The following MFSD1 variants were observed in gnomAD, a reference collection of about 807,000 sequenced individuals.
MFSD1 encodes lysosomal dipeptide transporter MFSD1.
In MFSD1, 59 loss-of-function variants were observed where a neutral mutation model predicts 67.1. The ratio of observed to expected loss-of-function variants is 0.88; its 90% CI spans 0.71 to 1.09. MFSD1 has a LOEUF of 1.09. MFSD1 is among the 50% of genes least tolerant of loss of function. The probability of loss-of-function intolerance (pLI) is 0.00; values close to 1 mark genes in which losing one functional copy is unlikely to be tolerated. For missense variants in MFSD1, 552 were observed against 566.1 expected, an observed-to-expected ratio of 0.97 and a Z score of 0.25; for synonymous variants, 213 against 200.3, an observed-to-expected ratio of 1.06 and a Z score of -0.54.
chr3:158,821,947 T>G, intron 10 of MFSD1, 37 bp from the exon 11 acceptor site: 1 of 1,590,054 alleles, frequency 6.3e-7, no homozygotes, highest in Non-Finnish European at 8.6e-7. Context: ...TTGACTGTGT[T>G]GCATTTCATG....
chr3:158,824,410 T>C, intron 13 of MFSD1, 174 bp downstream of exon 13: 2 of 597,000 alleles, frequency 3.4e-6, no homozygotes, highest in East Asian at 2.8e-5. Flanking sequence ...GAGATTCCTA[T>C]CCTTAAAGGC....
chr3:158,819,306 G>C (rs1430456964), intron 7 of MFSD1, among the ~76,000 whole-genome samples: 1 of 152,204 alleles, frequency 6.6e-6, no homozygotes, highest in Admixed American at 6.5e-5. Context: ...TTGGTGCTTA[G>C]ACTGAATGAA....
intron 5 of MFSD1, 82 bp from the exon 6 acceptor site, chr3:158,809,097 C>A: frequency 9.3e-7 from 1 of 1,071,412 alleles, no homozygotes; most frequent in Non-Finnish European, 1.3e-6. Context: ...GAAGTGCCAA[C>A]ATTTTAAACC....
Position 158,829,493 on chromosome 3 carries a change from A to G in MFSD1, c.*511A>G, listed in dbSNP as rs1294523393. ...GTTTTTATGAAGTCTCTTTCTGATC[A>G]CGAACAATAGCTTGCGCTCTACTCT... On this transcript the variant is annotated 3_prime_UTR_variant, in exon 16 of 16. Coordinates refer to ENST00000415822, the MANE Select transcript of MFSD1 (RefSeq NM_022736.4). The G allele has an allele frequency of 2.6e-5, 4 of 152,326 alleles. No homozygotes were observed. Among genetic ancestry groups the G allele is most frequent in the Admixed American group, 1.3e-4 (2 of 15,286 alleles). 9.4% of individuals were successfully genotyped at this position (152,326 alleles called of 1,614,324 possible). A position where few individuals can be genotyped will look rare whatever the true frequency, so the allele number is the denominator to read the frequency against.
chr3:158,820,117 G>A lies in MFSD1; in HGVS notation c.752-98G>A, dbSNP rs1730596649. 11 of 666,318 alleles carry A rather than the reference G, an allele frequency of 1.7e-5. 1 individual carries two copies. The East Asian group carries it at 2.8e-4, about 17-fold the overall frequency. 41.3% of individuals were successfully genotyped at this position (666,318 alleles called of 1,614,324 possible). A position where few individuals can be genotyped will look rare whatever the true frequency, so the allele number is the denominator to read the frequency against. Reference sequence around the variant, plus strand: ...GTATTTTTTTAAGTTGAATTGCAAAGATTAATCACAAGATTTTAAAAAATA... The same window carrying A: ...GTATTTTTTTAAGTTGAATTGCAAAAATTAATCACAAGATTTTAAAAAATA... On this transcript the variant is annotated intron_variant, in intron 8 of 15. Transcript: ENST00000415822.
chr3:158,818,587 A>G (rs1730502587), intron 7 of MFSD1, among the ~76,000 whole-genome samples: 1 of 151,964 alleles, frequency 6.6e-6, no homozygotes, highest in Non-Finnish European at 1.5e-5. Context: ...AAATATATAT[A>G]TATATTTTAT....
Position 158,814,023 on chromosome 3 carries a change from T to A in MFSD1, c.608T>A (p.Leu203Ter). The change falls in exon 7 of 16, where the codon TTA becomes TAA. Residue 203 changes from leucine (L) to a stop codon, truncating the protein, a stop_gained. Transcript: ENST00000415822. LOFTEE classifies it high-confidence loss of function. ...GWLYSKIEALLGSAGHTTLGI... is the reference protein window; with the variant it reads ...GWLYSKIEAL ...CTGTATTCTAAGATTGAAGCTTTGT[T>A]AGGTTCTGCTGGTCACACAACCCTC... The A allele has an allele frequency of 1.2e-6, 2 of 1,614,028 alleles. No homozygotes were observed. Among genetic ancestry groups the A allele is most frequent in the Non-Finnish European group, 1.7e-6 (2 of 1,179,942 alleles).
chr3:158,825,849 A>G (rs1312003218), intron 13 of MFSD1, among the ~76,000 whole-genome samples, 166 bp from the exon 14 acceptor site: 1 of 152,114 alleles, frequency 6.6e-6, no homozygotes, highest in African/African-American at 2.4e-5. Flanking sequence ...TGTGTAACTT[A>G]TTTTTAGTGC....
intron 5 of MFSD1, among the ~76,000 whole-genome samples, chr3:158,808,451 A>G (rs984835188): frequency 2.0e-5 from 3 of 152,136 alleles, no homozygotes; most frequent in African/African-American, 7.2e-5. Flanking sequence ...TGAATATGGA[A>G]AGTGAATGTG....
At position 158,814,807 on chromosome 3, in the gene MFSD1, G is replaced by A. The variant is rs541882921; in HGVS notation, c.652+740G>A. On this transcript the variant is annotated intron_variant, in intron 7 of 15. Transcript: ENST00000415822. ...TTAATTAAAAGTTTATAGCAGCCGG[G>A]CACGGTGGCTCACACCTATAATCCC... 2.6e-5 allele frequency among the ~76,000 whole-genome samples: 4 copies of A among 152,262 alleles called. No homozygotes were observed. The South Asian group carries it at 8.3e-4, about 32-fold the overall frequency.
chr3:158,821,688 ATG>A (rs1559922984), intron 10 of MFSD1, 35 bp downstream of exon 10: 2 of 1,491,740 alleles, frequency 1.3e-6, no homozygotes. Context: ...TGCCTATTGC[ATG>A]TGAAGTATGG....
At chr3:158,804,492 T>A in intron 2 of MFSD1, 121 bp downstream of exon 2, 1 of 673,656 alleles carries the variant, frequency 1.5e-6, no homozygotes, top group Non-Finnish European at 2.4e-6. Context: ...TTGACATCTG[T>A]AGTCACCAAA....
intron 15 of MFSD1, among the ~76,000 whole-genome samples, chr3:158,827,921 AGAGAGAGAGAGAGAGAGAGAGGGG>A (rs1397368756): frequency 0.016 from 1,280 of 80,022 alleles, 31 homozygotes; most frequent in African/African-American, 0.046. Flanking sequence ...AGGGGGAGAG[AGAGAGAGAGAGAGAGAGAGAGGGG>A]GAGAGAGAGA....
Position 158,802,087 on chromosome 3 carries a change from G to C in MFSD1, c.-66G>C, listed in dbSNP as rs751523835. 1 of 1,582,208 alleles carries C rather than the reference G, an allele frequency of 6.3e-7. No homozygotes were observed. Among genetic ancestry groups the C allele is most frequent in the Non-Finnish European group, 8.6e-7 (1 of 1,168,010 alleles). On this transcript the variant is annotated 5_prime_UTR_variant, in exon 1 of 16. Transcript: ENST00000415822. ...GACCGCCGTCTTGACAGTGTTCCAC[G>C]GGCGCTGCTTCCTGCCTGGGTTTGG...
At chr3:158,816,894 T>A (rs1176182376) in intron 7 of MFSD1, among the ~76,000 whole-genome samples, 1 of 150,312 alleles carries the variant, frequency 6.7e-6, no homozygotes. Flanking sequence ...CCAGCACCAT[T>A]TATTAAATAG....
At chr3:158,802,723 C>T in intron 1 of MFSD1, 1 of 376,418 alleles carries the variant, frequency 2.7e-6, no homozygotes, top group Non-Finnish European at 5.2e-6. Context: ...TTAGGTGAGA[C>T]AGGGGCTTGC....
At chr3:158,802,830 AG>A (rs895853385) in intron 1 of MFSD1, among the ~76,000 whole-genome samples, 2 of 152,124 alleles carry the variant, frequency 1.3e-5, no homozygotes, top group Admixed American at 1.3e-4. Flanking sequence ...CCTCCCGAGT[AG>A]CTGGGACCAC....
intron 9 of MFSD1, among the ~76,000 whole-genome samples, chr3:158,821,041 C>T (rs1006142147): frequency 2.0e-4 from 30 of 152,150 alleles, no homozygotes; most frequent in Admixed American, 1.3e-3. Flanking sequence ...TTTATTGGTG[C>T]ACTGTGCCTG....
chr3:158,804,660 T>C (rs1410765619), intron 2 of MFSD1, among the ~76,000 whole-genome samples: 3 of 152,212 alleles, frequency 2.0e-5, no homozygotes, highest in Non-Finnish European at 4.4e-5. Context: ...TTTGTTTGCA[T>C]TTCACTCTCC....
Sources: allele counts gnomAD v4.1 joint callset (sites outside exome capture counted in the v4.1 genomes callset), GRCh38; gene constraint gnomAD v4.1.1; transcripts MANE v1.5; gene names NCBI Gene and HGNC (gene_info 2026-07-23, HGNC 2026-07-21).